DNAJB11: variants seen among roughly 807,000 people sequenced by gnomAD.
The protein encoded by DNAJB11 is DnaJ heat shock protein family (Hsp40) member B11, also known as dnaJ homolog subfamily B member 11.
In DNAJB11, 30 loss-of-function variants were observed where a neutral mutation model predicts 47.2. The ratio of observed to expected loss-of-function variants is 0.64; its 90% confidence interval spans 0.48 to 0.86. The LOEUF (loss-of-function observed/expected upper bound fraction) is 0.86, where lower values mean the gene tolerates loss of function less well. DNAJB11 is among the 40% of genes least tolerant of loss of function. DNAJB11 has a pLI of 0.00. For missense variants in DNAJB11, 357 were observed against 440.2 expected (o/e 0.81, Z 1.69); for synonymous variants, 151 against 159.9 (o/e 0.94, Z 0.42).
chr3:186,584,049 GTT>G (rs1177465281), intron 8 of DNAJB11, 73 bp downstream of exon 8: 1 of 1,100,240 alleles, frequency 9.1e-7, no homozygotes, highest in African/African-American at 1.6e-5. Context: ...TGTATCAGCT[GTT>G]TCAGTCATTG....
intron 1 of DNAJB11, 106 bp from the exon 2 acceptor site, chr3:186,571,988 CT>C (rs1350334600): frequency 1.1e-6 from 1 of 937,792 alleles, no homozygotes; most frequent in African/African-American, 1.7e-5. Context: ...ATTTTTATAC[CT>C]CTTTGCTCAG....
chr3:186,572,064 T>G (rs751942743), intron 1 of DNAJB11, 31 bp from the exon 2 acceptor site: 1 of 1,523,820 alleles, frequency 6.6e-7, no homozygotes, highest in African/African-American at 1.4e-5. Flanking sequence ...TGTAACTCTT[T>G]AATGAAGTAT....
At chr3:186,573,880 C>T (rs1163951168) in intron 2 of DNAJB11, among the ~76,000 whole-genome samples, 2 of 152,186 alleles carry the variant, frequency 1.3e-5, no homozygotes, top group Admixed American at 6.5e-5. Context: ...CTGAATTTAC[C>T]ATGCTCTCTA....
chr3:186,581,298 G>A (rs1293690963), intron 4 of DNAJB11, 73 bp from the exon 5 acceptor site: 41 of 1,560,148 alleles, frequency 2.6e-5, no homozygotes, highest in South Asian at 3.5e-5. Flanking sequence ...TATGTGCAGA[G>A]CCTTGATCAA....
chr3:186,581,570 T>C, intron 5 of DNAJB11, 57 bp downstream of exon 5: 1 of 1,582,562 alleles, frequency 6.3e-7, no homozygotes, highest in East Asian at 2.2e-5. Context: ...TTCGTTCATC[T>C]AGTCAAACAC....
intron 4 of DNAJB11, chr3:186,579,926 T>G (rs1715424809): frequency 6.6e-6 from 1 of 152,250 alleles, no homozygotes; most frequent in African/African-American, 2.4e-5. Flanking sequence ...TGTGCATATG[T>G]GCCATCTTGA....
At position 186,571,079 on chromosome 3, in the gene DNAJB11, T is replaced by C. The variant is rs957894537; in HGVS notation, c.68+114T>C. ...CTGACGGAGTGGAGAGGGGCATCGCTGTGGGTTGGCGGGGTGGCGGAGGAA... is the reference window on the plus strand; with the variant it reads ...CTGACGGAGTGGAGAGGGGCATCGCCGTGGGTTGGCGGGGTGGCGGAGGAA... On this transcript the variant is annotated intron_variant, in intron 1 of 9. Transcript: ENST00000265028. The C allele has an allele frequency of 6.1e-6, 6 of 976,018 alleles. No individual in the cohort carries two copies. The South Asian group carries it at 9.5e-5, about 16-fold the overall frequency. 60.5% of individuals were successfully genotyped at this position (976,018 alleles called of 1,614,324 possible). A position where few individuals can be genotyped will look rare whatever the true frequency, so the allele number is the denominator to read the frequency against.
chr3:186,570,843 G>A lies in DNAJB11; in HGVS notation c.-55G>A. ...GCCGGGTGGGCTGGCGAGCCGACGC[G>A]GCGGCGGAGGAGGCTGTGAGGAGTG... is the stretch of plus-strand genomic sequence containing the variant. On this transcript the variant is annotated 5_prime_UTR_variant, in exon 1 of 10. Coordinates refer to ENST00000265028, the MANE Select transcript of DNAJB11 (RefSeq NM_016306.6). 8 of 1,544,412 alleles carry A rather than the reference G, an allele frequency of 5.2e-6. No individual in the cohort carries two copies. The highest frequency in any genetic ancestry group is 1.4e-5 in the African/African-American group (1 of 72,680).
Position 186,575,903 on chromosome 3 carries a change from G to A in DNAJB11, c.289G>A (p.Gly97Ser). ...DTYGEEGLKD[G>S]HQSSHGDIFS... ...TTATGGTGAAGAAGGATTAAAAGAT[G>A]GTCATCAGAGCTCCCATGGAGACAT... Residue 97 changes from glycine to serine, a missense_variant, in exon 3 of 10, where the codon GGT becomes AGT. Gly to Ser is a moderately conservative substitution (Grantham distance 56, BLOSUM62 0). Transcript: ENST00000265028. 6.2e-7 allele frequency: 1 copy of A among 1,613,866 alleles called. No individual in the cohort carries two copies. The highest frequency in any genetic ancestry group is 1.1e-5 in the South Asian group (1 of 91,076).
intron 6 of DNAJB11, 124 bp downstream of exon 6, chr3:186,582,201 C>T (rs1715511529): frequency 2.7e-6 from 2 of 736,260 alleles, no homozygotes; most frequent in Admixed American, 2.7e-5. Flanking sequence ...ATATAATTTC[C>T]AACACTCTTC....
At position 186,585,484 on chromosome 3, in the gene DNAJB11, GTT is replaced by G; in HGVS notation, c.*80_*81del. ...TTATCTGCAAGGTTTTTTTGTGTGT[GTT>G]TTTGTTTTTATTTTCAATATGCAAG... is the stretch of plus-strand genomic sequence containing the variant. On this transcript the variant is annotated 3_prime_UTR_variant, in exon 10 of 10. Transcript: ENST00000265028. 2 of 1,182,568 alleles carry G rather than the reference GTT, an allele frequency of 1.7e-6. No individual in the cohort carries two copies. The highest frequency in any genetic ancestry group is 1.2e-6 in the Non-Finnish European group (1 of 829,832). 73.3% of individuals were successfully genotyped at this position (1,182,568 alleles called of 1,614,324 possible).
Position 186,585,334 on chromosome 3 carries a change from C to T in DNAJB11, c.1013-10C>T. The T allele has an allele frequency of 6.2e-7, 1 of 1,607,844 alleles. No homozygotes were observed. Reference sequence around the variant, plus strand: ...TTGTTAATGGAGTCATTTGTTCATTCTTTCTTCAGGTATCAAACAGCTACT... The same window carrying T: ...TTGTTAATGGAGTCATTTGTTCATTTTTTCTTCAGGTATCAAACAGCTACT... On this transcript the variant is annotated splice_polypyrimidine_tract_variant and intron_variant, in intron 9 of 9. Transcript: ENST00000265028.
rs576592364 is a variant in DNAJB11, at chr3:186,581,520, G to A, written c.599+7G>A. On this transcript the variant is annotated splice_region_variant and intron_variant, in intron 5 of 9. Transcript: ENST00000265028. ...ACGAATGCCCTAATGTCAAGTAAGT[G>A]AAAGCACCTTCTTTGTTCTACCAAG... The A allele has an allele frequency of 6.8e-6, 11 of 1,610,508 alleles. No homozygotes were observed. Among genetic ancestry groups the A allele is most frequent in the Non-Finnish European group, 9.3e-6 (11 of 1,178,686 alleles).
rs771824748 is a variant in DNAJB11, at chr3:186,577,780, T to C, written c.436T>C (p.Tyr146His). The C allele has an allele frequency of 9.4e-6, 15 of 1,602,052 alleles. 1 individual carries two copies. In the South Asian group the frequency reaches 1.7e-4, roughly 18 times the overall value. The change falls in exon 4 of 10, where the codon TAT (tyrosine) becomes CAT (histidine). Residue 146 changes from tyrosine to histidine, a missense_variant. Coordinates refer to ENST00000265028, the MANE Select transcript of DNAJB11 (RefSeq NM_016306.6). ...TCTAGAAGTCACTTTGGAAGAAGTATATGCAGGAAATTTTGTGGAAGTAAG... is the reference window on the plus strand; with the variant it reads ...TCTAGAAGTCACTTTGGAAGAAGTACATGCAGGAAATTTTGTGGAAGTAAG... ...VDLEVTLEEVYAGNFVEVVRN... is the reference protein window; with the variant it reads ...VDLEVTLEEVHAGNFVEVVRN...
chr3:186,570,801 T>G lies in DNAJB11; in HGVS notation c.-97T>G. The G allele has an allele frequency of 3.5e-6, 4 of 1,152,724 alleles. No individual in the cohort carries two copies. Among genetic ancestry groups the G allele is most frequent in the Non-Finnish European group, 5.0e-6 (4 of 796,136 alleles). 71.4% of individuals were successfully genotyped at this position (1,152,724 alleles called of 1,614,324 possible). ...AGGAGACCCCCGCGCCCCCCCGGTG[T>G]GAGGCGGCCTCACAGGGCCGGGTGG... On this transcript the variant is annotated 5_prime_UTR_variant, in exon 1 of 10. Coordinates refer to ENST00000265028, the MANE Select transcript of DNAJB11 (RefSeq NM_016306.6).
At position 186,584,442 on chromosome 3, in the gene DNAJB11, C is replaced by T. The variant is rs201669927; in HGVS notation, c.865C>T (p.Arg289Trp). 132 of 1,551,824 alleles carry T rather than the reference C, an allele frequency of 8.5e-5. No individual in the cohort carries two copies. The highest frequency in any genetic ancestry group is 1.0e-4 in the Non-Finnish European group (120 of 1,157,418). ...HLDGHKVHIS[R>W]DKITRPGAKL... Reference sequence around the variant, plus strand: ...TTTGGTTTTCTAGGTACATATTTCCCGGGATAAGATCACCAGGCCAGGAGC... The same window carrying T: ...TTTGGTTTTCTAGGTACATATTTCCTGGGATAAGATCACCAGGCCAGGAGC... The change falls in exon 9 of 10, where the codon CGG becomes TGG. Residue 289 changes from arginine (R) to tryptophan (W), a missense_variant. By Grantham distance (101) the Arg-to-Trp change is moderately radical. Transcript: ENST00000265028.
intron 3 of DNAJB11, among the ~76,000 whole-genome samples, chr3:186,577,306 C>T (rs552837376): frequency 6.6e-6 from 1 of 152,166 alleles, no homozygotes; most frequent in Non-Finnish European, 1.5e-5. Context: ...TACTCTTTCT[C>T]AATAAGTCCA....
chr3:186,584,963 C>T (rs943724726), intron 9 of DNAJB11, among the ~76,000 whole-genome samples: 2 of 151,946 alleles, frequency 1.3e-5, no homozygotes, highest in African/African-American at 2.4e-5. Context: ...AGAAGAGGGC[C>T]CCACTGGGGG....
chr3:186,579,335 T>G (rs866388617), intron 4 of DNAJB11: 6 of 152,240 alleles, frequency 3.9e-5, no homozygotes, highest in Non-Finnish European at 8.8e-5. Flanking sequence ...ATCTCCCAGC[T>G]TACTACTTCA....
Sources: gnomAD v4.1 joint callset for allele counts (sites outside exome capture counted in the v4.1 genomes callset) on GRCh38, gnomAD v4.1.1 for gene constraint, MANE v1.5 for transcripts, NCBI Gene and HGNC (gene_info 2026-07-23, HGNC 2026-07-21) for gene names.